Variants in UBAC1 observed in about 807,000 individuals in gnomAD.
UBAC1 encodes the protein ubiquitin-associated domain-containing protein 1.
UBAC1 carries 27 observed loss-of-function variants against 45.9 expected under a neutral mutation model. The ratio of observed to expected loss-of-function variants is 0.59; its 90% CI spans 0.43 to 0.81. The LOEUF (loss-of-function observed/expected upper bound fraction) is 0.81. UBAC1 is among the 30% of genes least tolerant of loss of function. UBAC1 has a pLI of 0.00. For missense variants in UBAC1, 529 were observed against 539.2 expected (o/e 0.98, Z 0.19); for synonymous variants, 227 against 215.5 (o/e 1.05, Z -0.47).
intron 3 of UBAC1, among the ~76,000 whole-genome samples, chr9:135,952,536 A>C (rs1768605254): frequency 1.3e-5 from 2 of 152,236 alleles, no homozygotes; most frequent in South Asian, 4.1e-4. Flanking sequence ...CCAGTAAACA[A>C]CACACTGCAC....
chr9:135,935,027 G>A (rs1275234679), intron 9 of UBAC1, among the ~76,000 whole-genome samples: 6 of 152,094 alleles, frequency 3.9e-5, no homozygotes, highest in Admixed American at 1.3e-4. Context: ...CTACAGGTAC[G>A]TGTGCCACCA....
chr9:135,958,611 C>T (rs1357248301), intron 1 of UBAC1, among the ~76,000 whole-genome samples: 3 of 152,184 alleles, frequency 2.0e-5, no homozygotes, highest in South Asian at 2.1e-4. Flanking sequence ...ATCATGCCGG[C>T]GTCAGCACGC....
At chr9:135,958,958 A>G (rs1839499548) in intron 1 of UBAC1, among the ~76,000 whole-genome samples, 1 of 152,252 alleles carries the variant, frequency 6.6e-6, no homozygotes, top group Admixed American at 6.5e-5. Context: ...ATCCCAAATG[A>G]TACATCTCAA....
chr9:135,938,815 G>C (rs1028423967), intron 8 of UBAC1, among the ~76,000 whole-genome samples: 13 of 151,998 alleles, frequency 8.6e-5, no homozygotes, highest in East Asian at 1.9e-4. Flanking sequence ...GGGGATGGTG[G>C]GGGGGGGATG....
At chr9:135,943,023 G>A (rs994935267) in intron 7 of UBAC1, among the ~76,000 whole-genome samples, 3 of 152,196 alleles carry the variant, frequency 2.0e-5, no homozygotes, top group Non-Finnish European at 4.4e-5. Context: ...CTATTCACCT[G>A]ACAAAGGTCT....
At chr9:135,936,518 TG>T (rs1365058007) in intron 9 of UBAC1, among the ~76,000 whole-genome samples, 1 of 146,208 alleles carries the variant, frequency 6.8e-6, no homozygotes, top group African/African-American at 2.5e-5. Flanking sequence ...TTTTTTGAGG[TG>T]GAGTCTTGCT....
chr9:135,945,368 G>A (rs1275104164), intron 6 of UBAC1, 118 bp from the exon 7 acceptor site: 5 of 903,002 alleles, frequency 5.5e-6, no homozygotes, highest in Non-Finnish European at 8.1e-6. Context: ...ATCAGCTGGT[G>A]ACCCTTATAA....
intron 1 of UBAC1, among the ~76,000 whole-genome samples, chr9:135,956,786 GCTGA>G (rs748314724): frequency 1.1e-4 from 16 of 152,240 alleles, no homozygotes; most frequent in Non-Finnish European, 1.3e-4. Flanking sequence ...CGGAGAGAAG[GCTGA>G]CTATTTTCTT....
chr9:135,945,986 C>G lies in UBAC1; in HGVS notation c.556G>C (p.Glu186Gln), dbSNP rs762294104. The G allele has an allele frequency of 6.2e-7, 1 of 1,613,782 alleles. No homozygotes were observed. The highest frequency in any genetic ancestry group is 8.5e-7 in the Non-Finnish European group (1 of 1,180,032). The change falls in exon 6 of 10, where the codon GAG (glutamate) becomes CAG (glutamine). Residue 186 changes from glutamate (E) to glutamine (Q), a missense_variant. Coordinates refer to ENST00000371756, the MANE Select transcript of UBAC1 (RefSeq NM_016172.3). ...TCGTCCACACGCTCATCCTCGTCCT[C>G]GTCCAGCATTGCTGCAGGGAGACGA... Reference protein sequence around the residue: ...LFKKANAMLDEDEDERVDEAA... With the variant: ...LFKKANAMLDQDEDERVDEAA...
At chr9:135,955,264 C>G in intron 2 of UBAC1, 31 bp downstream of exon 2, 1 of 1,525,200 alleles carries the variant, frequency 6.6e-7, no homozygotes, top group East Asian at 2.4e-5. Flanking sequence ...ACGATGCCTG[C>G]TGCCAACCCG....
chr9:135,939,817 G>T, intron 7 of UBAC1, 58 bp from the exon 8 acceptor site: 3 of 1,515,638 alleles, frequency 2.0e-6, no homozygotes, highest in South Asian at 2.4e-5. Flanking sequence ...AGGAACCAGT[G>T]ACCTGCGTGC....
At chr9:135,957,481 G>GAACA (rs1839481422) in intron 1 of UBAC1, among the ~76,000 whole-genome samples, 1 of 152,022 alleles carries the variant, frequency 6.6e-6, no homozygotes, top group African/African-American at 2.4e-5. Context: ...AGCACACCAG[G>GAACA]AACAACACGG....
At chr9:135,945,782 G>T in intron 6 of UBAC1, 107 bp downstream of exon 6, 1 of 824,744 alleles carries the variant, frequency 1.2e-6, no homozygotes, top group South Asian at 1.6e-5. Context: ...CGTTAGAAAT[G>T]ATTCAGTCAA....
chr9:135,953,326 ATTTAAT>A (rs1839429152), intron 3 of UBAC1, among the ~76,000 whole-genome samples: 1 of 151,746 alleles, frequency 6.6e-6, no homozygotes, highest in African/African-American at 2.4e-5. Context: ...GTATTTATTT[ATTTAAT>A]TTTGAGATGG....
rs1451798938 is a variant in UBAC1 at position 135,961,338 on chromosome 9, C to G, written c.-176G>C. On this transcript the variant is annotated 5_prime_UTR_variant, in exon 1 of 10. Coordinates refer to ENST00000371756, the MANE Select transcript of UBAC1 (RefSeq NM_016172.3). ...CTCTCCGCGGCCTCAGCGGTCGCCTCGCTCCCGCCGCCGCAGCAGCCGCCG... is the reference window on the plus strand; with the variant it reads ...CTCTCCGCGGCCTCAGCGGTCGCCTGGCTCCCGCCGCCGCAGCAGCCGCCG... 1 of 317,938 alleles carries G rather than the reference C, an allele frequency of 3.1e-6. No individual in the cohort carries two copies. The highest frequency in any genetic ancestry group is 6.8e-5 in the Admixed American group (1 of 14,736). 19.7% of individuals were successfully genotyped at this position (317,938 alleles called of 1,614,324 possible).
In UBAC1 at chr9:135,949,535, T is replaced by C. The variant is rs1839380749; in HGVS notation, c.334-1630A>G. 2.6e-5 allele frequency among the ~76,000 whole-genome samples: 4 copies of C among 152,282 alleles called. No homozygotes were observed. The East Asian group carries it at 7.7e-4, about 29-fold the overall frequency. ...GAGCAGAGGAAGGGGAGGCGGCTGG[T>C]GCAGGGAGGAGCGGCTCAGAGCTGC... On this transcript the variant is annotated intron_variant, in intron 3 of 9. Coordinates refer to ENST00000371756, the MANE Select transcript of UBAC1 (RefSeq NM_016172.3).
chr9:135,947,289 C>T (rs1344767348), intron 4 of UBAC1, among the ~76,000 whole-genome samples: 1 of 151,902 alleles, frequency 6.6e-6, no homozygotes, highest in Non-Finnish European at 1.5e-5. Flanking sequence ...TTCGCTCTTG[C>T]TGCCGAGGCT....
Position 135,945,067 on chromosome 9 carries a change from C to G in UBAC1, c.837G>C (p.Lys279Asn). Reference sequence around the variant, plus strand: ...GAAACTCCCTTTTCCTCCGGATCTTCTTGAAGATTTCCGTCAGCTCATCTC... The same window carrying G: ...GAAACTCCCTTTTCCTCCGGATCTTGTTGAAGATTTCCGTCAGCTCATCTC... ...EARDELTEIF[K>N]KIRRKREFRA... The change falls in exon 7 of 10, where the codon AAG becomes AAC. Residue 279 changes from lysine (K) to asparagine (N), a missense_variant. Coordinates refer to ENST00000371756, the MANE Select transcript of UBAC1 (RefSeq NM_016172.3). 1 of 1,613,920 alleles carries G rather than the reference C, an allele frequency of 6.2e-7. No individual in the cohort carries two copies. Among genetic ancestry groups the G allele is most frequent in the South Asian group, 1.1e-5 (1 of 91,024 alleles).
chr9:135,958,533 C>T (rs1305528774), intron 1 of UBAC1, among the ~76,000 whole-genome samples: 1 of 152,142 alleles, frequency 6.6e-6, no homozygotes, highest in Non-Finnish European at 1.5e-5. Flanking sequence ...GGAGTGCACA[C>T]CCAGGAGCAC....
Sources: gnomAD v4.1 joint callset for allele counts (sites outside exome capture counted in the v4.1 genomes callset) on GRCh38, gnomAD v4.1.1 for gene constraint, MANE v1.5 for transcripts, NCBI Gene and HGNC (gene_info 2026-07-23, HGNC 2026-07-21) for gene names.